OPCML: variants seen among roughly 807,000 people sequenced by gnomAD.
The protein encoded by OPCML is opioid-binding protein/cell adhesion molecule.
A neutral mutation model predicts 37.8 loss-of-function variants in OPCML; 13 were observed. The observed-to-expected ratio is 0.34, with a 90% CI of 0.22 to 0.55. OPCML has a LOEUF of 0.55. Ranked by LOEUF, OPCML falls within the 20% of genes least tolerant of loss-of-function variation. OPCML has a pLI of 0.91. For synonymous variants in OPCML, 176 were observed against 168.8 expected (o/e 1.04, Z -0.33); for missense variants, 341 against 435.6 (o/e 0.78, Z 1.93).
At chr11:133,006,542 C>T (rs1414572703) in intron 1 of OPCML, 9 of 985,380 alleles carry the variant, frequency 9.1e-6, no homozygotes, top group Middle Eastern at 5.2e-4. Context: ...ACTAATAACT[C>T]GGGAACTTTG....
chr11:132,960,449 C>T (rs981798910), intron 1 of OPCML, among the ~76,000 whole-genome samples: 2 of 152,092 alleles, frequency 1.3e-5, no homozygotes, highest in Non-Finnish European at 2.9e-5. Context: ...GCGGGGACTG[C>T]GGATGGTGGA....
intron 1 of OPCML, among the ~76,000 whole-genome samples, chr11:133,468,466 A>G (rs1947026074): frequency 6.6e-6 from 1 of 152,258 alleles, no homozygotes; most frequent in African/African-American, 2.4e-5. Flanking sequence ...CAGGAGGCAC[A>G]AGCAGAGCCT....
At chr11:132,934,022 G>A (rs944613349) in intron 2 of OPCML, among the ~76,000 whole-genome samples, 1 of 152,170 alleles carries the variant, frequency 6.6e-6, no homozygotes, top group Non-Finnish European at 1.5e-5. Flanking sequence ...AGTCAAGGTG[G>A]ACCAATAACT....
At chr11:133,418,427 G>A (rs1192530551) in intron 1 of OPCML, 1 of 985,228 alleles carries the variant, frequency 1.0e-6, no homozygotes, top group Non-Finnish European at 1.2e-6. Context: ...TAGAACTGAG[G>A]AAGAGGGAGT....
Position 132,835,071 on chromosome 11 carries a change from G to T in OPCML, c.146+107855C>A, listed in dbSNP as rs550675597. Among the ~76,000 whole-genome samples the T allele has an allele frequency of 2.0e-4, 31 of 151,850 alleles. 1 individual carries two copies. In the East Asian group the frequency reaches 5.8e-3, roughly 29 times the overall value. Reference sequence around the variant, plus strand: ...TTCTACTCTGCAGGGTCATAAAATTGATTTCATCAGCTCCACAAAGGTGGC... The same window carrying T: ...TTCTACTCTGCAGGGTCATAAAATTTATTTCATCAGCTCCACAAAGGTGGC... On this transcript the variant is annotated intron_variant, in intron 2 of 7. Transcript: ENST00000524381.
At chr11:133,496,886 CTTTA>C (rs1393194368) in intron 1 of OPCML, among the ~76,000 whole-genome samples, 1 of 152,060 alleles carries the variant, frequency 6.6e-6, no homozygotes, top group Non-Finnish European at 1.5e-5. Flanking sequence ...TTTGGATGGC[CTTTA>C]TTTCTTTCCC....
chr11:133,219,950 G>A (rs1462331386), intron 1 of OPCML, among the ~76,000 whole-genome samples: 1 of 152,214 alleles, frequency 6.6e-6, no homozygotes, highest in African/African-American at 2.4e-5. Flanking sequence ...CACTGCTCAT[G>A]CCAACCAGAT....
At chr11:133,250,463 G>T (rs565905151) in intron 1 of OPCML, among the ~76,000 whole-genome samples, 1 of 132,224 alleles carries the variant, frequency 7.6e-6, no homozygotes, top group Non-Finnish European at 1.6e-5. Context: ...AGGAAGGAAA[G>T]ATGGAAGGAA....
intron 1 of OPCML, among the ~76,000 whole-genome samples, chr11:133,236,404 G>T (rs888183135): frequency 6.6e-6 from 1 of 151,970 alleles, no homozygotes; most frequent in Non-Finnish European, 1.5e-5. Flanking sequence ...AATCTTTCAG[G>T]CCACAATTGA....
chr11:133,392,503 C>T (rs182728765), intron 1 of OPCML, among the ~76,000 whole-genome samples: 66 of 152,314 alleles, frequency 4.3e-4, no homozygotes, highest in African/African-American at 1.5e-3. Context: ...TGGATCCTGT[C>T]GGAGGTGACT....
At chr11:133,118,647 T>C (rs1949373689) in intron 1 of OPCML, among the ~76,000 whole-genome samples, 1 of 150,294 alleles carries the variant, frequency 6.7e-6, no homozygotes. Context: ...ATTTTTACCA[T>C]ATGAAAAAAA....
chr11:132,787,319 T>C (rs1396293597), intron 2 of OPCML, among the ~76,000 whole-genome samples: 3 of 152,172 alleles, frequency 2.0e-5, no homozygotes, highest in African/African-American at 7.2e-5. Flanking sequence ...AATTCCTTTA[T>C]CCGAAACAAA....
intron 1 of OPCML, among the ~76,000 whole-genome samples, chr11:133,267,180 C>T (rs1235770432): frequency 6.6e-6 from 1 of 151,952 alleles, no homozygotes; most frequent in Non-Finnish European, 1.5e-5. Flanking sequence ...GCTCCAATCC[C>T]AGCTCTGCAA....
intron 4 of OPCML, among the ~76,000 whole-genome samples, chr11:132,519,422 G>T (rs1423779406): frequency 1.3e-5 from 2 of 152,040 alleles, no homozygotes; most frequent in Non-Finnish European, 2.9e-5. Context: ...CCTCCCGCTT[G>T]CACAAAAGAA....
chr11:132,473,887 T>C (rs1435775843), intron 4 of OPCML, among the ~76,000 whole-genome samples: 2 of 152,132 alleles, frequency 1.3e-5, no homozygotes, highest in East Asian at 1.9e-4. Context: ...CCAAAAGTCA[T>C]GGCACAGATG....
chr11:133,348,568 A>T (rs1252070060), intron 1 of OPCML, among the ~76,000 whole-genome samples: 1 of 152,194 alleles, frequency 6.6e-6, no homozygotes, highest in Non-Finnish European at 1.5e-5. Context: ...TCACAAATAG[A>T]GGAGCAGGTA....
chr11:133,499,874 A>ATTT (rs778116200), intron 1 of OPCML, among the ~76,000 whole-genome samples: 2 of 120,282 alleles, frequency 1.7e-5, no homozygotes, highest in African/African-American at 7.3e-5. Context: ...ATATATATAT[A>ATTT]TTTTTTTTTT....
Position 132,438,524 on chromosome 11 carries a change from G to A in OPCML, c.506-1165C>T, listed in dbSNP as rs61392737. 1.9e-3 allele frequency among the ~76,000 whole-genome samples: 290 copies of A among 152,224 alleles called. 4 individuals are homozygous for A. The highest frequency in any genetic ancestry group is 0.015 in the Admixed American group (224 of 15,290). The stretch of plus-strand genomic sequence containing the variant: ...AGGACATAGGATGTGGAGCAGGAAC[G>A]TGTCTGTGGAGGTGGGATGGTGTGC... On this transcript the variant is annotated intron_variant, in intron 4 of 7. Coordinates refer to ENST00000524381, the MANE Select transcript of OPCML (RefSeq NM_001012393.5).
chr11:132,663,896 G>A (rs149223618), intron 2 of OPCML, among the ~76,000 whole-genome samples: 1 of 152,068 alleles, frequency 6.6e-6, no homozygotes, highest in Non-Finnish European at 1.5e-5. Flanking sequence ...GCAGTGACGC[G>A]ATCTCGGCTC....
Sources: gnomAD v4.1 joint callset for allele counts (sites outside exome capture counted in the v4.1 genomes callset) on GRCh38, gnomAD v4.1.1 for gene constraint, MANE v1.5 for transcripts, NCBI Gene and HGNC (gene_info 2026-07-23, HGNC 2026-07-21) for gene names.